Variants in NEK10 observed in about 807,000 individuals in gnomAD.
NEK10 encodes the protein serine/threonine-protein kinase Nek10.
In NEK10, 122 loss-of-function variants were observed where a neutral mutation model predicts 159.8. The ratio of observed to expected loss-of-function variants is 0.76; its 90% CI spans 0.66 to 0.89. The LOEUF is 0.89. NEK10 is among the 40% of genes least tolerant of loss of function. The pLI is 0.00. For synonymous variants in NEK10, 466 were observed against 457.1 expected (o/e 1.02, Z -0.25); for missense variants, 1,342 against 1,323.1 (o/e 1.01, Z -0.22).
In NEK10 at chr3:27,119,859, C is replaced by G. The variant is rs775392441; in HGVS notation, c.3091G>C (p.Gly1031Arg). 3.1e-6 allele frequency: 5 copies of G among 1,612,994 alleles called. No individual in the cohort carries two copies. Among genetic ancestry groups the G allele is most frequent in the Non-Finnish European group, 8.5e-7 (1 of 1,179,272 alleles). Residue 1031 changes from glycine to arginine, a missense_variant, in exon 33 of 36, where the codon GGA (glycine) becomes CGA (arginine). Coordinates refer to ENST00000691995, the MANE Select transcript of NEK10 (RefSeq NM_001394966.1). ...TTGGGCTCAATCGGTTCTGGAGATC[C>G]CTGAGATAACTGAAATAGAAAAAGC... is the stretch of plus-strand genomic sequence containing the variant. ...LKSEIKKLSQ[G>R]SPEPIEPNFF...
intron 17 of NEK10, 41 bp downstream of exon 17, chr3:27,291,443 T>A (rs1434806615): frequency 6.2e-7 from 1 of 1,603,126 alleles, no homozygotes; most frequent in Admixed American, 1.7e-5. Context: ...ACATCCTGAC[T>A]ACATAGCAGC....
At chr3:27,282,361 G>T (rs959780489) in intron 22 of NEK10, among the ~76,000 whole-genome samples, 3 of 151,580 alleles carry the variant, frequency 2.0e-5, no homozygotes, top group African/African-American at 7.3e-5. Context: ...AATAAACCAG[G>T]CTACTGCAAT....
chr3:27,119,746 T>C lies in NEK10; in HGVS notation c.3190+14A>G, dbSNP rs757008547. 9.5e-6 allele frequency: 15 copies of C among 1,583,622 alleles called. No individual in the cohort carries two copies. In the Admixed American group the frequency reaches 2.2e-4, roughly 23 times the overall value. The stretch of plus-strand genomic sequence containing the variant: ...CTTCATGAAAGCCAGGTTACCCATG[T>C]TGATCACTATTACCTGTAGGGTCAT... On this transcript the variant is annotated intron_variant, in intron 33 of 35. Coordinates refer to ENST00000691995, the MANE Select transcript of NEK10 (RefSeq NM_001394966.1).
chr3:27,300,424 CCT>C (rs964874172), intron 13 of NEK10, among the ~76,000 whole-genome samples: 1 of 152,110 alleles, frequency 6.6e-6, no homozygotes, highest in African/African-American at 2.4e-5. Context: ...GTCCATTAAA[CCT>C]CTTTCTTTTG....
intron 22 of NEK10, among the ~76,000 whole-genome samples, chr3:27,265,026 C>T (rs1010158048): frequency 3.3e-5 from 5 of 152,140 alleles, no homozygotes; most frequent in East Asian, 1.9e-4. Context: ...GTGCAAAAAG[C>T]GTCAGCAAAA....
chr3:27,129,801 C>G (rs1052590525), intron 32 of NEK10, among the ~76,000 whole-genome samples: 3 of 151,758 alleles, frequency 2.0e-5, no homozygotes, highest in Non-Finnish European at 2.9e-5. Context: ...AGATAAAAAG[C>G]TATTTAAAAC....
At position 27,297,222 on chromosome 3, in the gene NEK10, G is replaced by C. The variant is rs757069590; in HGVS notation, c.1187C>G (p.Thr396Ser). Reference sequence around the variant, plus strand: ...ATTGGTGTCATTGAGCACCAGCTCAGTGAGGGCAGCACAGCAGGCTGGAAT... The same window carrying C: ...ATTGGTGTCATTGAGCACCAGCTCACTGAGGGCAGCACAGCAGGCTGGAAT... ...SLQAACCAALTELVLNDTNAH... is the reference protein window; with the variant it reads ...SLQAACCAALSELVLNDTNAH... The change falls in exon 14 of 36, where the codon ACT becomes AGT. Residue 396 changes from threonine to serine, a missense_variant. Thr to Ser is a moderately conservative substitution (Grantham distance 58). Coordinates refer to ENST00000691995, the MANE Select transcript of NEK10 (RefSeq NM_001394966.1). 1 of 1,612,738 alleles carries C rather than the reference G, an allele frequency of 6.2e-7. No individual in the cohort carries two copies. The highest frequency in any genetic ancestry group is 2.2e-5 in the East Asian group (1 of 44,882).
intron 23 of NEK10, among the ~76,000 whole-genome samples, chr3:27,245,331 A>G (rs1954950746): frequency 6.6e-6 from 1 of 152,154 alleles, no homozygotes; most frequent in Admixed American, 6.5e-5. Context: ...TTCCATCTAG[A>G]GATAAATGTA....
Position 27,307,783 on chromosome 3 carries a change from C to T in NEK10, c.803+76G>A, listed in dbSNP as rs140322516. On this transcript the variant is annotated intron_variant, in intron 11 of 35. Coordinates refer to ENST00000691995, the MANE Select transcript of NEK10 (RefSeq NM_001394966.1). ...TTCAGTTACAATGTAAATAACATGA[C>T]GTAATAAAAATAATAACAAGTGTAT... 4.5e-4 allele frequency: 340 copies of T among 758,774 alleles called. 2 individuals are homozygous for T. The highest frequency in any genetic ancestry group is 3.6e-3 in the African/African-American group (205 of 57,590). 47.0% of individuals were successfully genotyped at this position (758,774 alleles called of 1,614,324 possible).
At chr3:27,334,532 A>C (rs1575797065) in intron 5 of NEK10, among the ~76,000 whole-genome samples, 1 of 152,256 alleles carries the variant, frequency 6.6e-6, no homozygotes, top group Non-Finnish European at 1.5e-5. Context: ...GAGACTGAAG[A>C]CTAGCCTACC....
chr3:27,348,657 C>A (rs1313059815), intron 3 of NEK10, among the ~76,000 whole-genome samples: 1 of 152,152 alleles, frequency 6.6e-6, no homozygotes, highest in Admixed American at 6.5e-5. Flanking sequence ...CTTGCCCAGG[C>A]CTTCCTGGAT....
chr3:27,259,746 TTG>T (rs2040229937), intron 22 of NEK10, among the ~76,000 whole-genome samples: 2 of 152,306 alleles, frequency 1.3e-5, no homozygotes, highest in South Asian at 4.1e-4. Flanking sequence ...TTTTTTCCAA[TTG>T]TGTGAAGAAA....
intron 23 of NEK10, chr3:27,252,289 C>A: frequency 2.1e-6 from 1 of 472,548 alleles, no homozygotes; most frequent in Non-Finnish European, 4.2e-6. Flanking sequence ...CAGGGAAATC[C>A]TCTCTACATA....
chr3:27,116,170 A>G (rs1363193653), intron 33 of NEK10, 43 bp from the exon 34 acceptor site: 2 of 1,578,294 alleles, frequency 1.3e-6, no homozygotes, highest in Middle Eastern at 1.7e-4. Context: ...TTGGGTTCAC[A>G]TTTTCTTAGT....
At chr3:27,321,732 G>A (rs914050547) in intron 6 of NEK10, among the ~76,000 whole-genome samples, 1 of 152,090 alleles carries the variant, frequency 6.6e-6, no homozygotes, top group Non-Finnish European at 1.5e-5. Context: ...GACTCTAGAG[G>A]TTGGGAAGGG....
chr3:27,369,303 G>A lies in NEK10; in HGVS notation c.-116C>T, dbSNP rs115257899. 0.023 allele frequency: 3,496 copies of A among 152,744 alleles called. 132 individuals carry two copies. Among genetic ancestry groups the A allele is most frequent in the African/African-American group, 0.079 (3,291 of 41,468 alleles). The allele number at this position is 152,744 out of a possible 1,614,324, so 9.5% of individuals were successfully genotyped here. On this transcript the variant is annotated 5_prime_UTR_variant, in exon 1 of 36. Coordinates refer to ENST00000691995, the MANE Select transcript of NEK10 (RefSeq NM_001394966.1). This position sits in a 1 kb window ranked among gnomAD's most constrained non-coding sequence, Gnocchi z 4.2. ...CTGCTGTCACCTGCTGCTGCAGACC[G>A]GGGGTCCCGTCCAGTCTCAGCCCGT...
At chr3:27,120,752 A>G (rs1280714281) in intron 32 of NEK10, among the ~76,000 whole-genome samples, 1 of 152,196 alleles carries the variant, frequency 6.6e-6, no homozygotes, top group East Asian at 1.9e-4. Context: ...TAAAGTTTCA[A>G]TCATTTAATG....
chr3:27,327,429 C>T (rs539975640), intron 5 of NEK10, among the ~76,000 whole-genome samples: 1 of 152,268 alleles, frequency 6.6e-6, no homozygotes, highest in South Asian at 2.1e-4. Flanking sequence ...TACATGGCAG[C>T]GTGATCAGCT....
chr3:27,205,643 C>A (rs1950481354), intron 23 of NEK10, among the ~76,000 whole-genome samples: 1 of 139,494 alleles, frequency 7.2e-6, no homozygotes, highest in Non-Finnish European at 1.5e-5. Flanking sequence ...GCTGGGAAAA[C>A]TGGATAGCCA....
Sources: allele counts gnomAD v4.1 joint callset (sites outside exome capture counted in the v4.1 genomes callset), GRCh38; gene constraint gnomAD v4.1.1; non-coding constraint Gnocchi (gnomAD v3.1); transcripts MANE v1.5; gene names NCBI Gene and HGNC (gene_info 2026-07-23, HGNC 2026-07-21).